The following ALPK2 variants were observed in gnomAD, a reference collection of about 807,000 sequenced individuals.
ALPK2 encodes alpha-protein kinase 2.
In ALPK2, 127 loss-of-function variants were observed where a neutral mutation model predicts 163.1. The observed-to-expected ratio is 0.78, with a 90% CI of 0.67 to 0.90. The LOEUF is 0.90. Among genes scored for constraint, ALPK2 ranks in the 40% least tolerant of loss-of-function variants. ALPK2 has a pLI of 0.00. For synonymous variants in ALPK2, 953 were observed against 959.1 expected (o/e 0.99, Z 0.12); for missense variants, 2,360 against 2,589.6 (o/e 0.91, Z 1.92).
At chr18:58,628,683 T>A (rs2052243908) in intron 1 of ALPK2, 81 bp downstream of exon 1, 2 of 152,368 alleles carry the variant, frequency 1.3e-5, no homozygotes, top group South Asian at 4.1e-4. Context: ...TCTGCTTTGT[T>A]CTTTGTTGCA....
intron 12 of ALPK2, among the ~76,000 whole-genome samples, chr18:58,495,204 T>G (rs930093865): frequency 6.6e-6 from 1 of 152,248 alleles, no homozygotes; most frequent in Admixed American, 6.5e-5. Context: ...TTTTTCAAAC[T>G]GTGATTGTAA....
chr18:58,620,142 T>C (rs1414693969), intron 1 of ALPK2, among the ~76,000 whole-genome samples: 3 of 152,112 alleles, frequency 2.0e-5, no homozygotes, highest in Non-Finnish European at 2.9e-5. Flanking sequence ...ACTACAAAAA[T>C]TAGCCGGGCA....
At chr18:58,495,700 C>T (rs747146450) in intron 12 of ALPK2, among the ~76,000 whole-genome samples, 32 of 152,262 alleles carry the variant, frequency 2.1e-4, no homozygotes, top group Non-Finnish European at 3.1e-4. Flanking sequence ...AATAACAGCA[C>T]GAAATTTGCC....
At position 58,607,305 on chromosome 18, in the gene ALPK2, G is replaced by T; in HGVS notation, c.227+17C>A. ...TAAGGATATTAGTAAACAGTCCACA[G>T]GGGTATAGCCACTTACCAAGAGAGA... On this transcript the variant is annotated intron_variant, in intron 3 of 12. Transcript: ENST00000361673. 6.5e-7 allele frequency: 1 copy of T among 1,548,488 alleles called. No homozygotes were observed. Among genetic ancestry groups the T allele is most frequent in the South Asian group, 1.1e-5 (1 of 87,998 alleles).
rs762836191 is a variant in ALPK2 at position 58,536,176 on chromosome 18, T to C, written c.4011A>G (p.Arg1337=). Residue 1337 remains arginine (R), a synonymous_variant, in exon 5 of 13, where the codon AGA becomes AGG. Transcript: ENST00000361673. Reference sequence around the variant, plus strand: ...CAGGGTCCACGGATGACTCCAGGAGTCTGGGTTGGCTGAAACCCCGGGAAG... The same window carrying C: ...CAGGGTCCACGGATGACTCCAGGAGCCTGGGTTGGCTGAAACCCCGGGAAG... ...SLSSRGFSQP[R]LLESSVDPVD... is the part of the protein sequence containing the mutation. The C allele has an allele frequency of 1.2e-6, 2 of 1,613,996 alleles. No homozygotes were observed.
chr18:58,600,122 C>T (rs756958561), intron 3 of ALPK2, among the ~76,000 whole-genome samples: 13 of 148,052 alleles, frequency 8.8e-5, no homozygotes, highest in East Asian at 4.1e-4. Context: ...CTGCAACCTC[C>T]GCCTCCCGGG....
chr18:58,611,049 G>A (rs1411423769), intron 2 of ALPK2, among the ~76,000 whole-genome samples: 3 of 149,946 alleles, frequency 2.0e-5, no homozygotes, highest in East Asian at 2.0e-4. Context: ...AGCTGAGATC[G>A]TGCCATTGCA....
rs142710993 is a variant in ALPK2 at position 58,530,715 on chromosome 18, G to A, written c.5354-1477C>T. On this transcript the variant is annotated intron_variant, in intron 5 of 12. Coordinates refer to ENST00000361673, the MANE Select transcript of ALPK2 (RefSeq NM_052947.4). ...GATTTGAAGCTTGTTTAGCCGAGGG[G>A]CTTTGGGCTTTGGATAGGACCCCTG... is the stretch of plus-strand genomic sequence containing the variant. Among the ~76,000 whole-genome samples the A allele has an allele frequency of 2.5e-3, 383 of 152,328 alleles. 1 individual carries two copies. Among genetic ancestry groups the A allele is most frequent in the African/African-American group, 8.8e-3 (367 of 41,568 alleles).
chr18:58,513,311 T>C (rs922896604), intron 10 of ALPK2, among the ~76,000 whole-genome samples: 1 of 152,024 alleles, frequency 6.6e-6, no homozygotes, highest in African/African-American at 2.4e-5. Flanking sequence ...CTGATTTAGG[T>C]TCCATAAACA....
At chr18:58,624,558 G>A (rs1036217361) in intron 1 of ALPK2, among the ~76,000 whole-genome samples, 20 of 151,778 alleles carry the variant, frequency 1.3e-4, no homozygotes, top group Non-Finnish European at 1.9e-4. Flanking sequence ...GGGTTCAAGC[G>A]ATTCTCCTGC....
chr18:58,514,910 C>G (rs1308634462), intron 10 of ALPK2, 83 bp downstream of exon 10: 1 of 1,012,562 alleles, frequency 9.9e-7, no homozygotes, highest in African/African-American at 1.6e-5. Context: ...AAACACTTGC[C>G]CTACTGTTCC....
At chr18:58,610,526 AG>A (rs2052122861) in intron 2 of ALPK2, among the ~76,000 whole-genome samples, 1 of 152,240 alleles carries the variant, frequency 6.6e-6, no homozygotes, top group African/African-American at 2.4e-5. Flanking sequence ...TCACCAATCC[AG>A]AATCCCAGTC....
chr18:58,493,944 GGA>G (rs2051388207), intron 12 of ALPK2, among the ~76,000 whole-genome samples: 1 of 152,084 alleles, frequency 6.6e-6, no homozygotes, highest in African/African-American at 2.4e-5. Context: ...GCTTTTTAGG[GGA>G]GACTACAAAG....
At chr18:58,584,957 T>C (rs2051978089) in intron 3 of ALPK2, among the ~76,000 whole-genome samples, 1 of 152,194 alleles carries the variant, frequency 6.6e-6, no homozygotes, top group African/African-American at 2.4e-5. Flanking sequence ...CCCTGAACAA[T>C]TAATTGAATT....
At chr18:58,512,261 G>C (rs2051493992) in intron 10 of ALPK2, 1 of 152,216 alleles carries the variant, frequency 6.6e-6, no homozygotes, top group Non-Finnish European at 1.5e-5. Context: ...ACAAGAGCTG[G>C]GCATTATTCA....
chr18:58,499,227 A>G (rs986377785), intron 11 of ALPK2, among the ~76,000 whole-genome samples: 1 of 152,196 alleles, frequency 6.6e-6, no homozygotes, highest in African/African-American at 2.4e-5. Flanking sequence ...CTGGTTCAGC[A>G]AAAAGCAATA....
chr18:58,513,270 G>T (rs2051504046), intron 10 of ALPK2, among the ~76,000 whole-genome samples: 1 of 151,904 alleles, frequency 6.6e-6, no homozygotes, highest in African/African-American at 2.4e-5. Flanking sequence ...TGTAGGGGGT[G>T]TGTATGTGTG....
chr18:58,623,091 A>G (rs1160220901), intron 1 of ALPK2, among the ~76,000 whole-genome samples: 2 of 152,188 alleles, frequency 1.3e-5, no homozygotes, highest in African/African-American at 4.8e-5. Context: ...TCCAGTCAGA[A>G]AAAAGCAGTG....
chr18:58,524,210 G>A, intron 6 of ALPK2, 148 bp from the exon 7 acceptor site: 1 of 1,123,324 alleles, frequency 8.9e-7, no homozygotes. Context: ...ACGATCAGCT[G>A]TTTAAATAAT....
Sources: allele counts gnomAD v4.1 joint callset (sites outside exome capture counted in the v4.1 genomes callset), GRCh38; gene constraint gnomAD v4.1.1; transcripts MANE v1.5; gene names NCBI Gene and HGNC (gene_info 2026-07-23, HGNC 2026-07-21).